Variants in BTBD9 observed in about 807,000 individuals in gnomAD.
The protein encoded by BTBD9 is BTB domain containing 9.
BTBD9 carries 49 observed loss-of-function variants against 64.3 expected under a neutral mutation model. The ratio of observed to expected loss-of-function variants is 0.76; its 90% CI spans 0.61 to 0.97. The LOEUF is 0.97. Among genes scored for constraint, BTBD9 ranks in the 50% least tolerant of loss-of-function variants. The probability of loss-of-function intolerance (pLI) is 0.00; values close to 1 mark genes in which losing one functional copy is unlikely to be tolerated. For missense variants in BTBD9, 598 were observed against 762.1 expected, an observed-to-expected ratio of 0.78 and a Z score of 2.53; for synonymous variants, 260 against 274.7, an observed-to-expected ratio of 0.95 and a Z score of 0.53.
chr6:38,639,298 G>A (rs556473250), intron 1 of BTBD9, among the ~76,000 whole-genome samples: 1 of 152,158 alleles, frequency 6.6e-6, no homozygotes, highest in East Asian at 1.9e-4. Context: ...TCCCAAGGTC[G>A]TGGGTGTGTC....
intron 7 of BTBD9, among the ~76,000 whole-genome samples, chr6:38,337,268 G>A (rs1763931055): frequency 6.6e-6 from 1 of 152,166 alleles, no homozygotes; most frequent in Non-Finnish European, 1.5e-5. Flanking sequence ...TATACGTCTA[G>A]GTCACTGGAT....
intron 9 of BTBD9, among the ~76,000 whole-genome samples, chr6:38,246,247 A>G (rs900931035): frequency 6.6e-6 from 1 of 152,224 alleles, no homozygotes; most frequent in Non-Finnish European, 1.5e-5. Context: ...TCCCCTTTAA[A>G]TGTGCAGGTA....
intron 6 of BTBD9, among the ~76,000 whole-genome samples, chr6:38,369,014 T>C (rs1346214114): frequency 6.6e-6 from 1 of 152,234 alleles, no homozygotes; most frequent in African/African-American, 2.4e-5. Context: ...TCCAGTTTAA[T>C]TCATGCCGCC....
intron 1 of BTBD9, among the ~76,000 whole-genome samples, chr6:38,633,467 A>G (rs1174758966): frequency 6.8e-6 from 1 of 147,592 alleles, no homozygotes; most frequent in Non-Finnish European, 1.5e-5. Context: ...TTAGATAAAT[A>G]GCACCTTGTT....
At chr6:38,252,762 A>AATGAATATGACACCT (rs1222596678) in intron 9 of BTBD9, among the ~76,000 whole-genome samples, 1 of 152,186 alleles carries the variant, frequency 6.6e-6, no homozygotes, top group Non-Finnish European at 1.5e-5. Context: ...CTAAATACAA[A>AATGAATATGACACCT]ATGAATATGA....
At chr6:38,520,045 A>G (rs1448391739) in intron 6 of BTBD9, among the ~76,000 whole-genome samples, 1 of 152,224 alleles carries the variant, frequency 6.6e-6, no homozygotes, top group Non-Finnish European at 1.5e-5. Flanking sequence ...TCACAAAACT[A>G]TATGTATAAA....
chr6:38,433,560 C>T (rs371378716), intron 6 of BTBD9, among the ~76,000 whole-genome samples: 2 of 151,820 alleles, frequency 1.3e-5, no homozygotes, highest in South Asian at 4.1e-4. Flanking sequence ...AGAGAAAAAC[C>T]CCCTTTGACT....
chr6:38,338,743 T>C (rs545118497), intron 7 of BTBD9, among the ~76,000 whole-genome samples: 16 of 152,088 alleles, frequency 1.1e-4, no homozygotes, highest in Non-Finnish European at 2.2e-4. Context: ...TGTAAAGTGT[T>C]TACTGCTCCC....
At chr6:38,248,530 G>T (rs1357035020) in intron 9 of BTBD9, among the ~76,000 whole-genome samples, 1 of 152,176 alleles carries the variant, frequency 6.6e-6, no homozygotes, top group Non-Finnish European at 1.5e-5. Context: ...GAATGCAAAT[G>T]AGGACAATAC....
At chr6:38,542,171 A>G (rs1215032193) in intron 6 of BTBD9, among the ~76,000 whole-genome samples, 1 of 152,162 alleles carries the variant, frequency 6.6e-6, no homozygotes, top group Admixed American at 6.5e-5. Context: ...TCTTGTATAT[A>G]CACAAGACCT....
At chr6:38,498,091 C>A (rs1431777932) in intron 6 of BTBD9, among the ~76,000 whole-genome samples, 1 of 152,186 alleles carries the variant, frequency 6.6e-6, no homozygotes, top group Non-Finnish European at 1.5e-5. Flanking sequence ...ATTTCCAGCA[C>A]AACCAACATC....
intron 6 of BTBD9, among the ~76,000 whole-genome samples, chr6:38,569,245 G>A (rs1190007985): frequency 6.6e-6 from 1 of 152,188 alleles, no homozygotes; most frequent in Admixed American, 6.5e-5. Flanking sequence ...AGCGGCCACT[G>A]TGTCTTGTTC....
Position 38,597,998 on chromosome 6 carries a change from C to A in BTBD9, c.97G>T (p.Glu33Ter). 6.2e-7 allele frequency: 1 copy of A among 1,613,994 alleles called. No individual in the cohort carries two copies. The highest frequency in any genetic ancestry group is 1.1e-5 in the South Asian group (1 of 91,084). The change falls in exon 2 of 11, where the codon GAA becomes TAA. Residue 33 changes from glutamate (E) to a stop codon, truncating the protein, a stop_gained. Coordinates refer to ENST00000481247, the MANE Select transcript of BTBD9 (RefSeq NM_001099272.2). LOFTEE classifies it high-confidence loss of function. ...SEHIGALLIG[E>*]EYGDVTFVVE... ...ACGAATGTGACGTCGCCATATTCTT[C>A]CCCAATCAACAAGGCACCAATATGT...
chr6:38,369,820 A>G (rs1014272035), intron 6 of BTBD9, among the ~76,000 whole-genome samples: 1 of 152,188 alleles, frequency 6.6e-6, no homozygotes, highest in African/African-American at 2.4e-5. Context: ...GGAATTAGCA[A>G]TTAGGATTCT....
intron 1 of BTBD9, among the ~76,000 whole-genome samples, chr6:38,614,871 T>C (rs1182192754): frequency 1.3e-5 from 2 of 152,222 alleles, no homozygotes; most frequent in Non-Finnish European, 2.9e-5. Flanking sequence ...CCAGAAAGAA[T>C]TTCTCAAATT....
rs535946333 is a variant in BTBD9 at position 38,455,701 on chromosome 6, C to T, written c.1155-110608G>A. Among the ~76,000 whole-genome samples, 68 of 152,160 alleles carry T rather than the reference C, an allele frequency of 4.5e-4. No homozygotes were observed. In the Middle Eastern group the frequency reaches 0.014, roughly 30 times the overall value. On this transcript the variant is annotated intron_variant, in intron 6 of 10. Transcript: ENST00000481247. ...TTCAGTTACATCCAGTTTTTGTCAA[C>T]TTTTTTGTTTGTTTTTTTGTTTCTG...
chr6:38,485,121 T>C (rs1771336842), intron 6 of BTBD9, among the ~76,000 whole-genome samples: 1 of 152,186 alleles, frequency 6.6e-6, no homozygotes. Context: ...TCAACAATAT[T>C]CACTGCATCT....
At chr6:38,206,964 G>A (rs1225081332) in intron 9 of BTBD9, among the ~76,000 whole-genome samples, 1 of 152,180 alleles carries the variant, frequency 6.6e-6, no homozygotes, top group Non-Finnish European at 1.5e-5. Flanking sequence ...GCCAGAGGAA[G>A]TACAAGTTGA....
intron 6 of BTBD9, among the ~76,000 whole-genome samples, chr6:38,566,293 ATCT>A (rs1301090001): frequency 6.6e-6 from 1 of 151,942 alleles, no homozygotes; most frequent in Admixed American, 6.6e-5. Context: ...GAACTGCTAA[ATCT>A]TCTTGAAAAA....
Sources: gnomAD v4.1 joint callset for allele counts (sites outside exome capture counted in the v4.1 genomes callset) on GRCh38, gnomAD v4.1.1 for gene constraint, MANE v1.5 for transcripts, NCBI Gene and HGNC (gene_info 2026-07-23, HGNC 2026-07-21) for gene names.